Variants in TSFM observed in about 807,000 individuals in gnomAD.
The protein encoded by TSFM is elongation factor Ts, mitochondrial.
TSFM carries 29 observed loss-of-function variants against 33.4 expected under a neutral mutation model. The observed-to-expected ratio is 0.87, with a 90% CI of 0.65 to 1.18. TSFM has a LOEUF of 1.18. Among genes scored for constraint, TSFM ranks in the 50% most tolerant of loss-of-function variants. TSFM has a pLI of 0.00. For synonymous variants in TSFM, 178 were observed against 163.5 expected, an observed-to-expected ratio of 1.09 and a Z score of -0.68; for missense variants, 394 against 395.6, an observed-to-expected ratio of 1.00 and a Z score of 0.04.
intron 4 of TSFM, among the ~76,000 whole-genome samples, chr12:57,788,523 C>T (rs190732243): frequency 3.9e-5 from 6 of 152,178 alleles, no homozygotes; most frequent in African/African-American, 1.4e-4. Context: ...GTGATTCGCC[C>T]GCCTCCGCCT....
intron 2 of TSFM, among the ~76,000 whole-genome samples, chr12:57,784,525 G>A (rs1053711715): frequency 2.0e-5 from 3 of 152,114 alleles, no homozygotes; most frequent in African/African-American, 7.2e-5. Context: ...TTGTACAGCT[G>A]TACCAAAATA....
intron 5 of TSFM, among the ~76,000 whole-genome samples, chr12:57,795,205 T>G (rs2140427264): frequency 6.6e-6 from 1 of 151,570 alleles, no homozygotes; most frequent in Admixed American, 6.6e-5. Flanking sequence ...TTCAAGCAAT[T>G]CCTCTGCCTC....
chr12:57,785,153 C>T (rs1217452574), intron 2 of TSFM, among the ~76,000 whole-genome samples: 1 of 152,018 alleles, frequency 6.6e-6, no homozygotes, highest in African/African-American at 2.4e-5. Context: ...GTCTCGATCT[C>T]CTGACCTTGT....
intron 2 of TSFM, among the ~76,000 whole-genome samples, chr12:57,785,749 T>C (rs563810662): frequency 4.7e-4 from 72 of 152,246 alleles, no homozygotes; most frequent in Non-Finnish European, 6.6e-4. Context: ...GCACAGACGT[T>C]TTCTTTACAC....
chr12:57,792,614 T>C (rs1228054354), intron 4 of TSFM, among the ~76,000 whole-genome samples: 1 of 151,888 alleles, frequency 6.6e-6, no homozygotes, highest in Non-Finnish European at 1.5e-5. Flanking sequence ...TTTTTTGAGA[T>C]GGAGTCTCAA....
intron 2 of TSFM, among the ~76,000 whole-genome samples, chr12:57,785,922 G>A (rs947570108): frequency 6.6e-6 from 1 of 152,206 alleles, no homozygotes; most frequent in Non-Finnish European, 1.5e-5. Context: ...GTGCGTAACT[G>A]TATAAAGAAA....
downstream of TSFM, chr12:57,800,055 T>C: frequency 1.7e-6 from 2 of 1,178,466 alleles, no homozygotes; most frequent in Non-Finnish European, 2.4e-6. Context: ...ATAACAATGC[T>C]CCCCAAACCT....
Position 57,796,289 on chromosome 12 carries a change from G to A in TSFM, c.684G>A (p.Lys228=). Residue 228 remains lysine (K), a synonymous_variant, in exon 6 of 6, where the codon AAG becomes AAA. Transcript: ENST00000652027. ...HGAMQSPSLH[K]LVLGKYGALV... The stretch of plus-strand genomic sequence containing the variant: ...CAATGCAGAGTCCCTCACTTCACAA[G>A]CTGGTGCTGGGGAAGTATGGGGCCC... 2.5e-6 allele frequency: 4 copies of A among 1,612,560 alleles called. No individual in the cohort carries two copies. Among genetic ancestry groups the A allele is most frequent in the South Asian group, 1.1e-5 (1 of 90,822 alleles).
chr12:57,795,956 T>C (rs1250017145), intron 5 of TSFM, among the ~76,000 whole-genome samples: 1 of 152,278 alleles, frequency 6.6e-6, no homozygotes, highest in East Asian at 1.9e-4. Flanking sequence ...AGTTGGTGCT[T>C]CATAAAGGTA....
At chr12:57,786,633 G>C (rs724834) in intron 3 of TSFM, among the ~76,000 whole-genome samples, 40,414 of 152,168 alleles carry the variant, frequency 0.27, 6,794 homozygotes, top group East Asian at 0.65. Flanking sequence ...TTTTAGAGGA[G>C]GTTTGGGGGC....
intron 4 of TSFM, among the ~76,000 whole-genome samples, chr12:57,787,788 G>A (rs1302727677): frequency 4.6e-5 from 7 of 152,150 alleles, no homozygotes; most frequent in South Asian, 2.1e-4. Flanking sequence ...TTAGCTGGGC[G>A]TGGTGGCGCT....
At position 57,797,360 on chromosome 12, in the gene TSFM, A is replaced by G; in HGVS notation, c.*777A>G. The stretch of plus-strand genomic sequence containing the variant: ...TTACCGTAACAAGCAGACCCAGAAT[A>G]CTGAAAATAACTCCATTTGTTCATT... On this transcript the variant is annotated 3_prime_UTR_variant, in exon 6 of 6. Coordinates refer to ENST00000652027, the MANE Select transcript of TSFM (RefSeq NM_005726.6). 1 of 985,396 alleles carries G rather than the reference A, an allele frequency of 1.0e-6. No individual in the cohort carries two copies. Among genetic ancestry groups the G allele is most frequent in the Non-Finnish European group, 1.2e-6 (1 of 829,898 alleles). The allele number at this position is 985,396 out of a possible 1,614,324, so 61.0% of individuals were successfully genotyped here.
intron 5 of TSFM, among the ~76,000 whole-genome samples, chr12:57,793,917 C>A (rs1955697356): frequency 6.6e-6 from 1 of 152,196 alleles, no homozygotes; most frequent in Non-Finnish European, 1.5e-5. Context: ...TGTAAAGATA[C>A]ATTCTTTTAG....
downstream of TSFM, chr12:57,801,080 T>G (rs1334571710): frequency 2.9e-6 from 4 of 1,371,438 alleles, no homozygotes; most frequent in East Asian, 9.2e-5. Flanking sequence ...TCTGTAGCAT[T>G]TGTGTGTTCT....
chr12:57,790,057 T>C (rs1955641688), intron 4 of TSFM, among the ~76,000 whole-genome samples: 1 of 101,194 alleles, frequency 9.9e-6, no homozygotes, highest in African/African-American at 4.8e-5. Context: ...GATTTCTTTC[T>C]TTCTTTTTTT....
Position 57,797,123 on chromosome 12 carries a change from A to G in TSFM, c.*540A>G, listed in dbSNP as rs1386712601. The G allele has an allele frequency of 2.0e-6, 2 of 985,458 alleles. No individual in the cohort carries two copies. Among genetic ancestry groups the G allele is most frequent in the South Asian group, 9.4e-5 (2 of 21,288 alleles). The allele number at this position is 985,458 out of a possible 1,614,324, so 61.0% of individuals were successfully genotyped here. ...TGGTAGACACACTGGTTCTGGCCTCATTTAATGAAATTAATAACACATGCC... is the reference window on the plus strand; with the variant it reads ...TGGTAGACACACTGGTTCTGGCCTCGTTTAATGAAATTAATAACACATGCC... On this transcript the variant is annotated 3_prime_UTR_variant, in exon 6 of 6. Transcript: ENST00000652027.
chr12:57,796,398 C>T lies in TSFM; in HGVS notation c.793C>T (p.Pro265Ser). The T allele has an allele frequency of 6.2e-7, 1 of 1,602,520 alleles. No individual in the cohort carries two copies. Among genetic ancestry groups the T allele is most frequent in the Non-Finnish European group, 8.5e-7 (1 of 1,174,440 alleles). ...TGGGCAGCATGTGGTGGGCATGGCCCCCCTCTCTGTTGGCTCCCTGGACGA... is the reference window on the plus strand; with the variant it reads ...TGGGCAGCATGTGGTGGGCATGGCCTCCCTCTCTGTTGGCTCCCTGGACGA... ...RLGQHVVGMA[P>S]LSVGSLDDEP... The change falls in exon 6 of 6, where the codon CCC becomes TCC. Residue 265 changes from proline to serine, a missense_variant. Physicochemically the swap from Pro to Ser is moderately conservative, Grantham distance 74. This residue lies in a region of TSFM where 186 missense variants were observed against 198.8 expected (regional missense o/e 0.94). Coordinates refer to ENST00000652027, the MANE Select transcript of TSFM (RefSeq NM_005726.6).
intron 2 of TSFM, 136 bp from the exon 3 acceptor site, chr12:57,786,027 C>G (rs372086686): frequency 9.1e-7 from 1 of 1,098,310 alleles, no homozygotes; most frequent in African/African-American, 1.6e-5. Flanking sequence ...TAGTGGTAGA[C>G]TGCCAGTAAA....
In TSFM at chr12:57,787,095, A is replaced by G. The variant is rs777633934; in HGVS notation, c.416A>G (p.Gln139Arg). Reference protein sequence around the residue: ...SRNLKFQLLVQQVALGTMMHC... With the variant: ...SRNLKFQLLVRQVALGTMMHC... ...AATTTAAAATTTCAACTGTTGGTCC[A>G]GCAAGTAGCCCTTGGAACCATGATG... Residue 139 changes from glutamine to arginine, a missense_variant, in exon 4 of 6, where the codon CAG becomes CGG. Gln to Arg is a conservative substitution (Grantham distance 43). Transcript: ENST00000652027. 2 of 1,611,740 alleles carry G rather than the reference A, an allele frequency of 1.2e-6. No homozygotes were observed. Among genetic ancestry groups the G allele is most frequent in the East Asian group, 2.2e-5 (1 of 44,878 alleles).
Sources: gnomAD v4.1 joint callset for allele counts (sites outside exome capture counted in the v4.1 genomes callset) on GRCh38, gnomAD v4.1.1 for gene constraint, gnomAD v4.1.1 regional missense constraint, MANE v1.5 for transcripts, NCBI Gene and HGNC (gene_info 2026-07-23, HGNC 2026-07-21) for gene names.